CDIN1: variants seen among roughly 807,000 people sequenced by gnomAD.
CDIN1 encodes the protein CDAN1-interacting nuclease 1.
A neutral mutation model predicts 45.3 loss-of-function variants in CDIN1; 33 were observed. That is an observed-to-expected ratio of 0.73 (90% confidence interval 0.55 to 0.97). The LOEUF (loss-of-function observed/expected upper bound fraction) is 0.97, where lower values mean the gene tolerates loss of function less well. Ranked by LOEUF, CDIN1 falls within the 50% of genes least tolerant of loss-of-function variation. The pLI is 0.00. For missense variants in CDIN1, 303 were observed against 339.4 expected, an observed-to-expected ratio of 0.89 and a Z score of 0.84; for synonymous variants, 118 against 124.4, an observed-to-expected ratio of 0.95 and a Z score of 0.34.
chr15:36,698,319 A>G (rs961817826), intron 8 of CDIN1, among the ~76,000 whole-genome samples: 4 of 152,212 alleles, frequency 2.6e-5, no homozygotes, highest in Non-Finnish European at 5.9e-5. Flanking sequence ...AATTGAATGT[A>G]TTATAAGATT....
chr15:36,684,004 A>T (rs920466292), intron 5 of CDIN1, among the ~76,000 whole-genome samples: 4 of 147,232 alleles, frequency 2.7e-5, no homozygotes, highest in African/African-American at 1.0e-4. Flanking sequence ...TAGATATACA[A>T]TCATGTCGTC....
intron 1 of CDIN1, among the ~76,000 whole-genome samples, chr15:36,586,762 T>C (rs2037321382): frequency 6.6e-6 from 1 of 152,172 alleles, no homozygotes; most frequent in Non-Finnish European, 1.5e-5. Flanking sequence ...ATGGGCAACA[T>C]ATTTCTAAAA....
intron 1 of CDIN1, among the ~76,000 whole-genome samples, chr15:36,616,930 A>AT (rs1555384252): frequency 1.6e-3 from 249 of 151,400 alleles, no homozygotes; most frequent in African/African-American, 5.0e-3. Flanking sequence ...GTGTCAAAAA[A>AT]ATATATATAT....
intron 10 of CDIN1, among the ~76,000 whole-genome samples, chr15:36,717,933 A>T (rs1430960084): frequency 6.6e-6 from 1 of 152,140 alleles, no homozygotes; most frequent in Non-Finnish European, 1.5e-5. Flanking sequence ...ATGATAAATT[A>T]TATTGAGAAT....
chr15:36,808,419 C>A lies in CDIN1; in HGVS notation c.812C>A (p.Thr271Lys), dbSNP rs202017344. Reference protein sequence around the residue: ...RGILLKACFPTNIVTLCHSIA With the variant: ...RGILLKACFPKNIVTLCHSIA ...ATCCTGCTCAAAGCCTGTTTCCCCA[C>A]GAACATTGTCACCTTATGCCACAGC... The change falls in exon 11 of 11, where the codon ACG (threonine) becomes AAG (lysine). Residue 271 changes from threonine to lysine, a missense_variant. Thr to Lys is a moderately conservative substitution (Grantham distance 78). Transcript: ENST00000566621. 5.4e-5 allele frequency: 87 copies of A among 1,613,460 alleles called. No homozygotes were observed. The African/African-American group carries it at 9.9e-4, about 18-fold the overall frequency.
intron 1 of CDIN1, among the ~76,000 whole-genome samples, chr15:36,589,996 C>T (rs2037499208): frequency 6.6e-6 from 1 of 152,310 alleles, no homozygotes. Context: ...TTCCTCTCTT[C>T]CCGTCCCTAC....
intron 10 of CDIN1, among the ~76,000 whole-genome samples, chr15:36,797,653 A>T (rs1037592242): frequency 7.1e-6 from 1 of 140,712 alleles, no homozygotes; most frequent in Non-Finnish European, 1.5e-5. Context: ...CAACTTGGAC[A>T]TATTTTTAAG....
chr15:36,591,280 C>T (rs2140187757), intron 1 of CDIN1, among the ~76,000 whole-genome samples: 1 of 152,266 alleles, frequency 6.6e-6, no homozygotes, highest in South Asian at 2.1e-4. Flanking sequence ...TGATATCATC[C>T]TTTGCTTAAG....
chr15:36,753,462 T>C (rs1307199395), intron 10 of CDIN1, among the ~76,000 whole-genome samples: 1 of 152,118 alleles, frequency 6.6e-6, no homozygotes, highest in African/African-American at 2.4e-5. Context: ...GGTTAGATCA[T>C]TCTTGGCAAG....
At chr15:36,744,775 A>T (rs1001268861) in intron 10 of CDIN1, among the ~76,000 whole-genome samples, 1 of 152,196 alleles carries the variant, frequency 6.6e-6, no homozygotes, top group Admixed American at 6.5e-5. Flanking sequence ...GCCTTCAACT[A>T]TACTGCTGTT....
chr15:36,687,674 CAGT>C (rs1217992233), intron 5 of CDIN1, among the ~76,000 whole-genome samples: 5 of 151,624 alleles, frequency 3.3e-5, no homozygotes, highest in Non-Finnish European at 7.4e-5. Flanking sequence ...GACAACTCCA[CAGT>C]AGTAGTAGAT....
intron 1 of CDIN1, among the ~76,000 whole-genome samples, chr15:36,610,806 G>C (rs2038613075): frequency 6.6e-6 from 1 of 152,110 alleles, no homozygotes; most frequent in Admixed American, 6.6e-5. Flanking sequence ...TTTAATATTG[G>C]CAATTTTCTT....
intron 1 of CDIN1, chr15:36,618,347 G>T: frequency 1.5e-6 from 1 of 680,078 alleles, no homozygotes; most frequent in South Asian, 1.7e-5. Context: ...CTGGGGATTA[G>T]GAGCAAACTT....
chr15:36,592,992 A>G (rs1366986195), intron 1 of CDIN1, among the ~76,000 whole-genome samples: 4 of 152,226 alleles, frequency 2.6e-5, no homozygotes, highest in African/African-American at 9.6e-5. Context: ...AACAGAGGGA[A>G]GATACCTAAT....
chr15:36,702,375 C>T (rs1480008407), intron 8 of CDIN1, among the ~76,000 whole-genome samples: 1 of 152,118 alleles, frequency 6.6e-6, no homozygotes, highest in Non-Finnish European at 1.5e-5. Context: ...AGAAAAGGAC[C>T]ATAAATGCAT....
chr15:36,722,623 G>A (rs539958094), intron 10 of CDIN1, among the ~76,000 whole-genome samples: 9 of 152,186 alleles, frequency 5.9e-5, no homozygotes, highest in African/African-American at 1.9e-4. Context: ...CCTTTAAGGA[G>A]CATATGTTCC....
At chr15:36,693,470 A>T (rs529022779) in intron 7 of CDIN1, among the ~76,000 whole-genome samples, 1 of 152,226 alleles carries the variant, frequency 6.6e-6, no homozygotes, top group Non-Finnish European at 1.5e-5. Context: ...AAAGTTTAGC[A>T]CATTCATATA....
intron 10 of CDIN1, among the ~76,000 whole-genome samples, chr15:36,776,543 T>C (rs1255802046): frequency 6.6e-6 from 1 of 152,232 alleles, no homozygotes; most frequent in Non-Finnish European, 1.5e-5. Context: ...TTGGTAATCA[T>C]GCACAGGCTG....
In CDIN1 at chr15:36,800,905, GTGTGTATATATATATATA is replaced by G. The variant is rs1171606019; in HGVS notation, c.717-7417_717-7400del. ...TGTGTGTGTGTGTGTGTGTGTGTGT[GTGTGTATATATATATATA>G]TATATATATATATATATATATGATT... On this transcript the variant is annotated intron_variant, in intron 10 of 10. Coordinates refer to ENST00000566621, the MANE Select transcript of CDIN1 (RefSeq NM_001321759.2). Among the ~76,000 whole-genome samples the G allele has an allele frequency of 4.5e-4, 10 of 22,110 alleles. 1 individual carries two copies. Among genetic ancestry groups the G allele is most frequent in the African/African-American group, 1.2e-3 (10 of 8,302 alleles). The allele number at this position is 22,110 out of a possible 152,430, so 14.5% of individuals were successfully genotyped here. A position where few individuals can be genotyped will look rare whatever the true frequency, so the allele number is the denominator to read the frequency against.
Sources: allele counts gnomAD v4.1 joint callset (sites outside exome capture counted in the v4.1 genomes callset), GRCh38; gene constraint gnomAD v4.1.1; transcripts MANE v1.5; gene names NCBI Gene and HGNC (gene_info 2026-07-23, HGNC 2026-07-21).